Variants in DHX29 observed in about 807,000 individuals in gnomAD.
DHX29 encodes ATP-dependent RNA helicase DHX29.
Under a neutral mutation model 167.9 loss-of-function variants are expected in DHX29, and 79 were observed. The observed-to-expected ratio is 0.47, with a 90% CI of 0.39 to 0.57. The LOEUF is 0.57. Ranked by LOEUF, DHX29 falls within the 20% of genes least tolerant of loss-of-function variation. The probability of loss-of-function intolerance (pLI) is 0.00; values close to 1 mark genes in which losing one functional copy is unlikely to be tolerated. For synonymous variants in DHX29, 530 were observed against 546.0 expected (o/e 0.97, Z 0.41); for missense variants, 1,347 against 1,593.4 (o/e 0.85, Z 2.63).
In DHX29 at chr5:55,259,856, G is replaced by A; in HGVS notation, c.4049C>T (p.Ser1350Phe). The A allele has an allele frequency of 6.3e-7, 1 of 1,577,468 alleles. No individual in the cohort carries two copies. Among genetic ancestry groups the A allele is most frequent in the South Asian group, 1.1e-5 (1 of 90,070 alleles). Residue 1350 changes from serine to phenylalanine, a missense_variant, in exon 26 of 27, where the codon TCC becomes TTC. Physicochemically the swap from Ser to Phe is radical, Grantham distance 155 (BLOSUM62 -2). This residue lies in a region of DHX29 where 882 missense variants were observed against 1,082.4 expected (regional missense o/e 0.81). Transcript: ENST00000251636. Reference sequence around the variant, plus strand: ...TATAAGCAAACACTTACTTTCAAGGGACATCTTTGGATTTTCAAGCTTTTT... The same window carrying A: ...TATAAGCAAACACTTACTTTCAAGGAACATCTTTGGATTTTCAAGCTTTTT... ...LRKKLENPKM[S>F]LENDKILQII...
In DHX29 at chr5:55,285,389, A is replaced by T. The variant is rs201199068; in HGVS notation, c.1260T>A (p.Asp420Glu). ...AGATTGTAGGGCATACTACCAGGAC[A>T]TCATCTTCAGACTTGATTACCCTAA... The part of the protein sequence containing the change: ...CRVRVIKSED[D>E]VLVVCPTILT... The change falls in exon 10 of 27, where the codon GAT becomes GAA. Residue 420 changes from aspartate (D) to glutamate (E), a missense_variant. By Grantham distance (45) the Asp-to-Glu change is conservative. Around this residue, in one of 3 missense-constraint regions of DHX29, gnomAD observed 60 missense variants for 94.2 expected, o/e 0.64. Coordinates refer to ENST00000251636, the MANE Select transcript of DHX29 (RefSeq NM_019030.4). The T allele has an allele frequency of 4.7e-5, 76 of 1,613,522 alleles. No individual in the cohort carries two copies. The South Asian group carries it at 7.4e-4, about 16-fold the overall frequency.
At chr5:55,277,896 A>G (rs1263525116) in intron 12 of DHX29, among the ~76,000 whole-genome samples, 1 of 136,764 alleles carries the variant, frequency 7.3e-6, no homozygotes, top group Non-Finnish European at 1.5e-5. Flanking sequence ...ACAGAGTAAG[A>G]CTCTATCTCA....
chr5:55,296,274 A>G lies in DHX29; in HGVS notation c.451T>C (p.Tyr151His), dbSNP rs771841175. 12 of 1,613,582 alleles carry G rather than the reference A, an allele frequency of 7.4e-6. No homozygotes were observed. Among genetic ancestry groups the G allele is most frequent in the Admixed American group, 1.7e-5 (1 of 59,984 alleles). ...AAGGCAGAATGAAGGTCACCTCCAT[A>G]TAAGAGTGTATTGGTCATGGCATCT... Reference protein sequence around the residue: ...IEDAMTNTLLYGGDLHSALDW... With the variant: ...IEDAMTNTLLHGGDLHSALDW... Residue 151 changes from tyrosine to histidine, a missense_variant, in exon 4 of 27, where the codon TAT becomes CAT. Physicochemically the swap from Tyr to His is moderately conservative, Grantham distance 83. Coordinates refer to ENST00000251636, the MANE Select transcript of DHX29 (RefSeq NM_019030.4).
chr5:55,304,930 T>C (rs1748788067), intron 1 of DHX29, among the ~76,000 whole-genome samples: 1 of 152,208 alleles, frequency 6.6e-6, no homozygotes, highest in Admixed American at 6.5e-5. Flanking sequence ...TTATACTATA[T>C]ATTAAAAGCA....
intron 12 of DHX29, among the ~76,000 whole-genome samples, chr5:55,280,068 G>C (rs1747324925): frequency 6.6e-6 from 1 of 152,116 alleles, no homozygotes; most frequent in African/African-American, 2.4e-5. Context: ...AAGGCCAGAA[G>C]GAGCATTATC....
Position 55,307,694 on chromosome 5 carries a change from C to A in DHX29, c.-121G>T. On this transcript the variant is annotated 5_prime_UTR_variant, in exon 1 of 27. Coordinates refer to ENST00000251636, the MANE Select transcript of DHX29 (RefSeq NM_019030.4). Reference sequence around the variant, plus strand: ...ACCCTGCGCTTCGATCCGGGCTTCTCGGGCCGGGGCGACCGCTGCCTCGCA... The same window carrying A: ...ACCCTGCGCTTCGATCCGGGCTTCTAGGGCCGGGGCGACCGCTGCCTCGCA... 7.6e-7 allele frequency: 1 copy of A among 1,308,688 alleles called. No individual in the cohort carries two copies. 81.1% of individuals were successfully genotyped at this position (1,308,688 alleles called of 1,614,324 possible). A position where few individuals can be genotyped will look rare whatever the true frequency, so the allele number is the denominator to read the frequency against.
At chr5:55,290,728 G>A (rs1748000798) in intron 6 of DHX29, among the ~76,000 whole-genome samples, 1 of 152,182 alleles carries the variant, frequency 6.6e-6, no homozygotes, top group African/African-American at 2.4e-5. Context: ...TATAAAAACT[G>A]TTTCAGCCAG....
At position 55,276,257 on chromosome 5, in the gene DHX29, T is replaced by C. The variant is rs769065129; in HGVS notation, c.2427+9A>G. The C allele has an allele frequency of 3.3e-5, 51 of 1,563,346 alleles. No homozygotes were observed. Among genetic ancestry groups the C allele is most frequent in the East Asian group, 1.4e-4 (6 of 43,514 alleles). On this transcript the variant is annotated intron_variant, in intron 14 of 26. Transcript: ENST00000251636. Reference sequence around the variant, plus strand: ...TTATCTGATATCTTTCAAAATATTTTCTTTTTACCTGATATTTTTTTATTC... The same window carrying C: ...TTATCTGATATCTTTCAAAATATTTCCTTTTTACCTGATATTTTTTTATTC...
chr5:55,283,189 G>C lies in DHX29; in HGVS notation c.1965+14C>G, dbSNP rs750188305. On this transcript the variant is annotated intron_variant, in intron 11 of 26. Transcript: ENST00000251636. ...CACCATCATTCACTGAGGTGGAGTT[G>C]AATGACAGCTTACCCTTCCTCCAGG... The C allele has an allele frequency of 2.6e-6, 4 of 1,561,366 alleles. No individual in the cohort carries two copies. In the South Asian group the frequency reaches 4.9e-5, roughly 19 times the overall value.
In DHX29 at chr5:55,307,287, A is replaced by G. The variant is rs548410827; in HGVS notation, c.187+100T>C. ...GCAGCTCGAGTGTTGGGAAATAGAA[A>G]TGTTGGGCCCGAAGCTCCTCCCGGG... On this transcript the variant is annotated intron_variant, in intron 1 of 26. Transcript: ENST00000251636. 180 of 1,006,538 alleles carry G rather than the reference A, an allele frequency of 1.8e-4. 2 individuals carry two copies. In the South Asian group the frequency reaches 2.8e-3, roughly 16 times the overall value. 62.4% of individuals were successfully genotyped at this position (1,006,538 alleles called of 1,614,324 possible).
chr5:55,304,774 G>A (rs1016627834), intron 1 of DHX29, among the ~76,000 whole-genome samples: 2 of 152,056 alleles, frequency 1.3e-5, no homozygotes, highest in African/African-American at 2.4e-5. Context: ...GAACCTCTAC[G>A]ATAGAGGACA....
At chr5:55,305,877 T>C (rs1414491406) in intron 1 of DHX29, among the ~76,000 whole-genome samples, 3 of 152,048 alleles carry the variant, frequency 2.0e-5, no homozygotes, top group African/African-American at 4.8e-5. Flanking sequence ...AAGGAAAAGA[T>C]AGAAGTAATG....
intron 26 of DHX29, among the ~76,000 whole-genome samples, chr5:55,258,122 A>T (rs1164705622): frequency 6.6e-6 from 1 of 152,204 alleles, no homozygotes; most frequent in African/African-American, 2.4e-5. Flanking sequence ...TGTTCAGTAC[A>T]ATCATACTGA....
chr5:55,293,966 T>C (rs746283979), intron 6 of DHX29, 51 bp downstream of exon 6: 2 of 1,565,694 alleles, frequency 1.3e-6, no homozygotes, highest in East Asian at 2.3e-5. Flanking sequence ...AAAGGAAATA[T>C]ATCTTGCTTA....
chr5:55,298,793 G>A lies in DHX29; in HGVS notation c.188-129C>T. Reference sequence around the variant, plus strand: ...CGCCTGTAATCCCAGCACTTTGGGAGGCCGAGGCGGGTGGATCATGAGGTC... The same window carrying A: ...CGCCTGTAATCCCAGCACTTTGGGAAGCCGAGGCGGGTGGATCATGAGGTC... On this transcript the variant is annotated intron_variant, in intron 1 of 26. Transcript: ENST00000251636. 7.2e-6 allele frequency: 3 copies of A among 414,404 alleles called. No homozygotes were observed. In the South Asian group the frequency reaches 8.5e-5, roughly 12 times the overall value. The allele number at this position is 414,404 out of a possible 1,614,324, so 25.7% of individuals were successfully genotyped here.
chr5:55,285,883 G>C (rs200311524), intron 8 of DHX29, 22 bp from the exon 9 acceptor site: 4 of 1,519,588 alleles, frequency 2.6e-6, no homozygotes, highest in Middle Eastern at 1.8e-4. Flanking sequence ...AACAAAGATT[G>C]GTTCTTTAAA....
chr5:55,302,629 T>G (rs1221009519), intron 1 of DHX29, among the ~76,000 whole-genome samples: 1 of 151,992 alleles, frequency 6.6e-6, no homozygotes, highest in Non-Finnish European at 1.5e-5. Flanking sequence ...GGTTTTTAAT[T>G]TACCCAGTTG....
chr5:55,261,546 A>T, intron 24 of DHX29, 47 bp from the exon 25 acceptor site: 1 of 1,209,400 alleles, frequency 8.3e-7, no homozygotes, highest in Non-Finnish European at 1.2e-6. Flanking sequence ...ATAAAAATAG[A>T]AGGAGGTCAT....
intron 5 of DHX29, chr5:55,294,788 C>T (rs1157266109): frequency 6.6e-6 from 1 of 152,664 alleles, no homozygotes; most frequent in Non-Finnish European, 1.5e-5. Flanking sequence ...GTGTAATGCC[C>T]TAATGAATTA....
Sources: allele counts gnomAD v4.1 joint callset (sites outside exome capture counted in the v4.1 genomes callset), GRCh38; gene constraint gnomAD v4.1.1; regional missense constraint gnomAD v4.1.1; transcripts MANE v1.5; gene names NCBI Gene and HGNC (gene_info 2026-07-23, HGNC 2026-07-21).